The following DNER variants were observed in gnomAD, a reference collection of about 807,000 sequenced individuals.
DNER encodes delta/notch like EGF repeat containing, also known as delta and Notch-like epidermal growth factor-related receptor.
Under a neutral mutation model 78.2 loss-of-function variants are expected in DNER, and 33 were observed. The ratio of observed to expected loss-of-function variants is 0.42; its 90% confidence interval spans 0.32 to 0.56. The LOEUF is 0.56. Ranked by LOEUF, DNER falls within the 20% of genes least tolerant of loss-of-function variation. The probability of loss-of-function intolerance (pLI) is 0.11; values close to 1 mark genes in which losing one functional copy is unlikely to be tolerated. For missense variants in DNER, 918 were observed against 975.3 expected, an observed-to-expected ratio of 0.94 and a Z score of 0.78; for synonymous variants, 417 against 384.8, an observed-to-expected ratio of 1.08 and a Z score of -0.98.
At chr2:229,648,811 C>G (rs1239027023) in intron 1 of DNER, among the ~76,000 whole-genome samples, 1 of 152,182 alleles carries the variant, frequency 6.6e-6, no homozygotes, top group Non-Finnish European at 1.5e-5. Context: ...GATTCAAATG[C>G]AAAAAGCTAA....
chr2:229,520,720 A>T (rs769774457), intron 5 of DNER, among the ~76,000 whole-genome samples: 2 of 152,170 alleles, frequency 1.3e-5, no homozygotes, highest in Middle Eastern at 3.2e-3. Flanking sequence ...GCTCTTCCCC[A>T]TGGAATCTGC....
At chr2:229,372,633 A>C (rs1448866478) in intron 11 of DNER, among the ~76,000 whole-genome samples, 1 of 152,162 alleles carries the variant, frequency 6.6e-6, no homozygotes, top group African/African-American at 2.4e-5. Context: ...TCAGTGTTGG[A>C]AACAGTGGGA....
intron 1 of DNER, among the ~76,000 whole-genome samples, chr2:229,606,768 C>T (rs1697946833): frequency 6.6e-6 from 1 of 152,110 alleles, no homozygotes; most frequent in Admixed American, 6.5e-5. Context: ...TGGTGCGCTC[C>T]TGTAATCCCA....
intron 5 of DNER, among the ~76,000 whole-genome samples, chr2:229,533,629 G>A (rs894922709): frequency 1.2e-4 from 18 of 152,056 alleles, no homozygotes; most frequent in African/African-American, 4.1e-4. Flanking sequence ...GAAGCACTAC[G>A]GCTCCCTCAA....
At chr2:229,502,576 T>C (rs1234366873) in intron 6 of DNER, among the ~76,000 whole-genome samples, 1 of 152,144 alleles carries the variant, frequency 6.6e-6, no homozygotes, top group Non-Finnish European at 1.5e-5. Flanking sequence ...AGACACTGAC[T>C]CTGGACTGGG....
intron 1 of DNER, among the ~76,000 whole-genome samples, chr2:229,694,717 C>G (rs922637734): frequency 1.3e-5 from 2 of 152,202 alleles, no homozygotes; most frequent in African/African-American, 4.8e-5. Flanking sequence ...AATGCCTGTA[C>G]CCCCATTGTA....
At chr2:229,407,119 A>G in intron 10 of DNER, 113 bp downstream of exon 10, 2 of 886,876 alleles carry the variant, frequency 2.3e-6, no homozygotes, top group South Asian at 3.2e-5. Context: ...ACATTTTGTA[A>G]TGGTGTTTAT....
intron 1 of DNER, among the ~76,000 whole-genome samples, chr2:229,669,373 T>C (rs549790492): frequency 6.0e-5 from 9 of 151,100 alleles, no homozygotes; most frequent in Non-Finnish European, 8.8e-5. Context: ...TACATACATA[T>C]ATATATATAT....
At chr2:229,398,002 A>G (rs1316392709) in intron 10 of DNER, among the ~76,000 whole-genome samples, 1 of 152,130 alleles carries the variant, frequency 6.6e-6, no homozygotes, top group Non-Finnish European at 1.5e-5. Context: ...CCCAAAGCAA[A>G]AAGAAGAAAA....
chr2:229,630,082 T>C (rs139564000), intron 1 of DNER, among the ~76,000 whole-genome samples: 1 of 152,238 alleles, frequency 6.6e-6, no homozygotes, highest in Admixed American at 6.5e-5. Flanking sequence ...TTTTAATGGA[T>C]AATTACATAA....
chr2:229,505,823 A>G (rs1295414019), intron 6 of DNER, among the ~76,000 whole-genome samples: 2 of 152,254 alleles, frequency 1.3e-5, no homozygotes, highest in East Asian at 3.8e-4. Context: ...TGACCAATGC[A>G]CAAAGGCACC....
chr2:229,609,581 C>G (rs73998294), intron 1 of DNER, among the ~76,000 whole-genome samples: 172 of 152,112 alleles, frequency 1.1e-3, no homozygotes, highest in Non-Finnish European at 2.2e-3. Context: ...TAGCTCACAA[C>G]GCTGAAAATA....
chr2:229,684,122 GTT>G (rs34640165), intron 1 of DNER, among the ~76,000 whole-genome samples: 26,990 of 144,128 alleles, frequency 0.19, 3,149 homozygotes, highest in East Asian at 0.41. Flanking sequence ...GTGTGTGTGT[GTT>G]TGTGTGTGTG....
At chr2:229,507,472 C>G (rs910060791) in intron 6 of DNER, among the ~76,000 whole-genome samples, 1 of 152,124 alleles carries the variant, frequency 6.6e-6, no homozygotes, top group African/African-American at 2.4e-5. Flanking sequence ...TTCTTTTTCC[C>G]ATTAACAAGC....
chr2:229,539,044 G>A (rs1175360547), intron 5 of DNER, among the ~76,000 whole-genome samples: 2 of 152,166 alleles, frequency 1.3e-5, no homozygotes, highest in Non-Finnish European at 2.9e-5. Context: ...CGATTACAAA[G>A]TAACTGTATG....
chr2:229,371,024 A>G (rs1692469779), intron 11 of DNER, among the ~76,000 whole-genome samples: 1 of 152,176 alleles, frequency 6.6e-6, no homozygotes, highest in African/African-American at 2.4e-5. Context: ...AAAACTCTGT[A>G]TTCCAAGCTG....
intron 7 of DNER, among the ~76,000 whole-genome samples, chr2:229,452,709 A>G (rs1464939243): frequency 6.6e-6 from 1 of 152,098 alleles, no homozygotes; most frequent in Non-Finnish European, 1.5e-5. Context: ...GCTCACTGCA[A>G]CCTCCGCCTC....
intron 1 of DNER, among the ~76,000 whole-genome samples, chr2:229,678,381 T>C (rs1276580613): frequency 6.6e-6 from 1 of 152,236 alleles, no homozygotes; most frequent in Non-Finnish European, 1.5e-5. Flanking sequence ...TCATGAATTC[T>C]TCAGGAAGGC....
chr2:229,666,960 C>CTT (rs1699102679), intron 1 of DNER, among the ~76,000 whole-genome samples: 1 of 152,206 alleles, frequency 6.6e-6, no homozygotes, highest in Non-Finnish European at 1.5e-5. Flanking sequence ...TGTCCCTCTG[C>CTT]AGATGAAGCC....
Sources: allele counts gnomAD v4.1 joint callset (sites outside exome capture counted in the v4.1 genomes callset), GRCh38; gene constraint gnomAD v4.1.1; transcripts MANE v1.5; gene names NCBI Gene and HGNC (gene_info 2026-07-23, HGNC 2026-07-21).